ARMC3: variants seen among roughly 807,000 people sequenced by gnomAD.
The protein encoded by ARMC3 is armadillo repeat containing 3, also known as armadillo repeat-containing protein 3.
A neutral mutation model predicts 90.3 loss-of-function variants in ARMC3; 74 were observed. The observed-to-expected ratio is 0.82, with a 90% CI of 0.68 to 0.99. ARMC3 has a LOEUF of 0.99. Ranked by LOEUF, ARMC3 falls within the 50% of genes least tolerant of loss-of-function variation. The probability of loss-of-function intolerance (pLI) is 0.00; values close to 1 mark genes in which losing one functional copy is unlikely to be tolerated. For synonymous variants in ARMC3, 334 were observed against 361.8 expected (o/e 0.92, Z 0.87); for missense variants, 958 against 1,042.8 (o/e 0.92, Z 1.12).
At chr10:22,964,949 C>CT (rs1198037559) in intron 7 of ARMC3, among the ~76,000 whole-genome samples, 1 of 152,064 alleles carries the variant, frequency 6.6e-6, no homozygotes, top group African/African-American at 2.4e-5. Flanking sequence ...TTTTCCTACT[C>CT]TTAATATTGT....
rs151023982 is a variant in ARMC3 at position 22,929,629 on chromosome 10, C to T, written c.-2+1523C>T. 2.9e-3 allele frequency among the ~76,000 whole-genome samples: 435 copies of T among 152,270 alleles called. 2 individuals carry two copies. The highest frequency in any genetic ancestry group is 4.5e-3 in the Non-Finnish European group (307 of 68,024). ...ATGGGGTGATCTCAGCTTATTGCAA[C>T]CTCCGCCTCCCGGCCTCAAGCAATT... On this transcript the variant is annotated intron_variant, in intron 1 of 18. Coordinates refer to ENST00000298032, the MANE Select transcript of ARMC3 (RefSeq NM_173081.5).
At chr10:23,004,818 T>A (rs529933601) in intron 13 of ARMC3, among the ~76,000 whole-genome samples, 1 of 152,276 alleles carries the variant, frequency 6.6e-6, no homozygotes, top group African/African-American at 2.4e-5. Context: ...CCGTACTCCA[T>A]AACACACACA....
At chr10:22,965,392 C>T (rs1835401461) in intron 7 of ARMC3, among the ~76,000 whole-genome samples, 1 of 152,174 alleles carries the variant, frequency 6.6e-6, no homozygotes, top group African/African-American at 2.4e-5. Flanking sequence ...GCCAGTATTT[C>T]TGATGAAAAT....
intron 10 of ARMC3, among the ~76,000 whole-genome samples, chr10:22,984,605 T>C (rs907828858): frequency 6.6e-6 from 1 of 152,114 alleles, no homozygotes; most frequent in Non-Finnish European, 1.5e-5. Flanking sequence ...TATAATAAAA[T>C]AGTATGATGA....
chr10:22,948,327 T>C (rs756976932), intron 3 of ARMC3, among the ~76,000 whole-genome samples: 7 of 152,154 alleles, frequency 4.6e-5, no homozygotes, highest in Non-Finnish European at 7.4e-5. Context: ...CATCTGGCTG[T>C]CACGTGTATC....
At chr10:23,024,393 C>CAGACAGATAGATAG (rs1554787800) in intron 16 of ARMC3, among the ~76,000 whole-genome samples, 8 of 133,440 alleles carry the variant, frequency 6.0e-5, no homozygotes, top group African/African-American at 2.0e-4. Flanking sequence ...AGGAATGCCA[C>CAGACAGATAGATAG]ATAGATAGAT....
At chr10:22,973,934 A>G (rs112777869) in intron 8 of ARMC3, among the ~76,000 whole-genome samples, 55 of 150,432 alleles carry the variant, frequency 3.7e-4, no homozygotes, top group African/African-American at 1.3e-3. Context: ...AATTTTTTGT[A>G]TTTTTAGTAA....
chr10:22,948,766 A>C (rs1834632803), intron 3 of ARMC3, among the ~76,000 whole-genome samples: 1 of 152,172 alleles, frequency 6.6e-6, no homozygotes. Flanking sequence ...CTGAGTTAAG[A>C]AGACAAACCT....
chr10:22,937,731 A>T (rs1331372597), intron 2 of ARMC3, among the ~76,000 whole-genome samples: 1 of 152,204 alleles, frequency 6.6e-6, no homozygotes, highest in Admixed American at 6.5e-5. Context: ...ATCAGCAAAC[A>T]GTACACAGTT....
At chr10:22,952,130 AAAACAAAAAAC>A (rs1032138486) in intron 3 of ARMC3, among the ~76,000 whole-genome samples, 11 of 152,268 alleles carry the variant, frequency 7.2e-5, no homozygotes, top group Non-Finnish European at 1.5e-4. Flanking sequence ...TCTCAAAACA[AAAACAAAAAAC>A]AAACAAAAAA....
chr10:22,980,228 C>A (rs563510325), intron 8 of ARMC3, among the ~76,000 whole-genome samples: 2 of 152,122 alleles, frequency 1.3e-5, no homozygotes, highest in East Asian at 3.9e-4. Flanking sequence ...ATAGAATATT[C>A]TTCTCTTATA....
chr10:22,958,975 A>G (rs1835074559), intron 4 of ARMC3, 95 bp from the exon 5 acceptor site: 2 of 995,212 alleles, frequency 2.0e-6, no homozygotes, highest in South Asian at 1.4e-5. Flanking sequence ...CACCCGCCTC[A>G]GCCTTTCAAA....
At chr10:23,014,508 T>A in intron 16 of ARMC3, 1 of 1,009,036 alleles carries the variant, frequency 9.9e-7, no homozygotes, top group Non-Finnish European at 1.2e-6. Context: ...GAATATTTTA[T>A]GTTAAAAAGA....
Position 22,933,263 on chromosome 10 carries a change from A to AT in ARMC3, c.48+1229dup, listed in dbSNP as rs943611128. Among the ~76,000 whole-genome samples, 140 of 148,220 alleles carry AT rather than the reference A, an allele frequency of 9.4e-4. 1 individual carries two copies. Among genetic ancestry groups the AT allele is most frequent in the African/African-American group, 2.9e-3 (118 of 40,460 alleles). On this transcript the variant is annotated intron_variant, in intron 2 of 18. Transcript: ENST00000298032. ...TTCCTAAAATGTTGCAGATTCTCTTATTTTTTTTTTCATTGCATCCAAGGT... is the reference window on the plus strand; with the variant it reads ...TTCCTAAAATGTTGCAGATTCTCTTATTTTTTTTTTTCATTGCATCCAAGGT...
At position 23,006,917 on chromosome 10, in the gene ARMC3, G is replaced by C. The variant is rs1469325164; in HGVS notation, c.1765G>C (p.Glu589Gln). The stretch of plus-strand genomic sequence containing the variant: ...CGGCACCAAACTGTTGCCTTTGAAG[G>C]AGCTCTGCTTACAAGAACCAAGTGA... ...NPGTKLLPLK[E>Q]LCLQEPSDLR... Residue 589 changes from glutamate (E) to glutamine (Q), a missense_variant, in exon 14 of 19, where the codon GAG becomes CAG. Coordinates refer to ENST00000298032, the MANE Select transcript of ARMC3 (RefSeq NM_173081.5). The C allele has an allele frequency of 6.2e-7, 1 of 1,613,882 alleles. No individual in the cohort carries two copies. Among genetic ancestry groups the C allele is most frequent in the African/African-American group, 1.3e-5 (1 of 74,902 alleles).
At chr10:22,949,612 G>C (rs905793794) in intron 3 of ARMC3, among the ~76,000 whole-genome samples, 2 of 152,140 alleles carry the variant, frequency 1.3e-5, no homozygotes, top group Non-Finnish European at 2.9e-5. Context: ...ATTCAATGAG[G>C]TATGAGAAAA....
intron 13 of ARMC3, 33 bp from the exon 14 acceptor site, chr10:23,006,851 A>G (rs1400452560): frequency 6.3e-7 from 1 of 1,590,968 alleles, no homozygotes; most frequent in Non-Finnish European, 8.6e-7. Flanking sequence ...ACCCCTGCAG[A>G]TACTACTTTT....
In ARMC3 at chr10:23,003,251, T is replaced by C; in HGVS notation, c.1568T>C (p.Leu523Ser). ...CTTTTTGCTTTTATTGACAGGGCTTTAGATATCCTTGAAGAAGTTAACGTA... is the reference window on the plus strand; with the variant it reads ...CTTTTTGCTTTTATTGACAGGGCTTCAGATATCCTTGAAGAAGTTAACGTA... Reference protein sequence around the residue: ...TANELCRLGALDILEEVNVSG... With the variant: ...TANELCRLGASDILEEVNVSG... The change falls in exon 13 of 19, where the codon TTA (leucine) becomes TCA (serine). Residue 523 changes from leucine (L) to serine (S), a missense_variant. Coordinates refer to ENST00000298032, the MANE Select transcript of ARMC3 (RefSeq NM_173081.5). The C allele has an allele frequency of 3.7e-6, 6 of 1,612,062 alleles. No homozygotes were observed. The highest frequency in any genetic ancestry group is 5.1e-6 in the Non-Finnish European group (6 of 1,179,308).
intron 4 of ARMC3, 135 bp from the exon 5 acceptor site, chr10:22,958,935 C>T: frequency 1.5e-6 from 1 of 651,606 alleles, no homozygotes; most frequent in Non-Finnish European, 2.7e-6. Context: ...GTTGGCTAGG[C>T]TGGTCTCGAA....
Sources: gnomAD v4.1 joint callset for allele counts (sites outside exome capture counted in the v4.1 genomes callset) on GRCh38, gnomAD v4.1.1 for gene constraint, MANE v1.5 for transcripts, NCBI Gene and HGNC (gene_info 2026-07-23, HGNC 2026-07-21) for gene names.